The following SAMD9L variants were observed in gnomAD, a reference collection of about 807,000 sequenced individuals.
SAMD9L encodes the protein sterile alpha motif domain containing 9 like, also known as sterile alpha motif domain-containing protein 9-like.
A neutral mutation model predicts 90.7 loss-of-function variants in SAMD9L; 68 were observed. That is an observed-to-expected ratio of 0.75 (90% CI 0.62 to 0.92). The LOEUF (loss-of-function observed/expected upper bound fraction) is 0.92. Among genes scored for constraint, SAMD9L ranks in the 40% least tolerant of loss-of-function variants. The pLI, the probability that SAMD9L is intolerant of heterozygous loss-of-function variation, is 0.00. For synonymous variants in SAMD9L, 640 were observed against 630.1 expected (o/e 1.02, Z -0.23); for missense variants, 1,604 against 1,824.3 (o/e 0.88, Z 2.20).
chr7:93,138,972 A>ATAAC (rs148551478), intron 4 of SAMD9L, among the ~76,000 whole-genome samples: 2,097 of 152,364 alleles, frequency 0.014, 28 homozygotes, highest in East Asian at 0.08. Flanking sequence ...TACATATGAG[A>ATAAC]TAACTACCAT....
At chr7:93,136,851 T>G (rs552111917) in intron 4 of SAMD9L, among the ~76,000 whole-genome samples, 1 of 152,300 alleles carries the variant, frequency 6.6e-6, no homozygotes, top group South Asian at 2.1e-4. Context: ...GGTGGTGTTT[T>G]CAGGCATTAG....
chr7:93,136,743 T>C (rs111382243), intron 4 of SAMD9L, among the ~76,000 whole-genome samples: 7 of 152,222 alleles, frequency 4.6e-5, no homozygotes, highest in African/African-American at 1.7e-4. Flanking sequence ...GAGCTGCCTA[T>C]TTTGGACTCC....
rs770968553 is a variant in SAMD9L, at chr7:93,132,282, T to C, written c.3690A>G (p.Gln1230=). The C allele has an allele frequency of 1.2e-6, 2 of 1,613,748 alleles. No individual in the cohort carries two copies. Among genetic ancestry groups the C allele is most frequent in the South Asian group, 2.2e-5 (2 of 91,066 alleles). Residue 1230 remains glutamine, a synonymous_variant, in exon 5 of 5, where the codon CAA becomes CAG. Coordinates refer to ENST00000318238, the MANE Select transcript of SAMD9L (RefSeq NM_152703.5). ...ENELSKKHMV[Q]FLSGKWTIPP... is the part of the protein sequence containing the mutation. Reference sequence around the variant, plus strand: ...GAATGGTCCACTTTCCTGATAAAAATTGCACCATATGTTTTTTGGATAATT... The same window carrying C: ...GAATGGTCCACTTTCCTGATAAAAACTGCACCATATGTTTTTTGGATAATT...
In SAMD9L at chr7:93,131,043, C is replaced by T. The variant is rs971223055; in HGVS notation, c.*174G>A. 4 of 488,804 alleles carry T rather than the reference C, an allele frequency of 8.2e-6. No individual in the cohort carries two copies. Among genetic ancestry groups the T allele is most frequent in the South Asian group, 8.1e-5 (2 of 24,734 alleles). The allele number at this position is 488,804 out of a possible 1,614,324, so 30.3% of individuals were successfully genotyped here. On this transcript the variant is annotated 3_prime_UTR_variant, in exon 5 of 5. Transcript: ENST00000318238. Reference sequence around the variant, plus strand: ...TGACTCCACTTTGTGCCAAGCTCTGCGGGTAGGCATATTTCATATCTTAAA... The same window carrying T: ...TGACTCCACTTTGTGCCAAGCTCTGTGGGTAGGCATATTTCATATCTTAAA...
At position 93,134,672 on chromosome 7, in the gene SAMD9L, A is replaced by T. The variant is rs777723056; in HGVS notation, c.1300T>A (p.Phe434Ile). The stretch of plus-strand genomic sequence containing the variant: ...GCAAACCATTTAATTTCTTTTAAAA[A>T]ATCTAAGTGCTTTATTTGGTTTGGA... ...CHPNQIKHLD[F>I]LKEIKWFAVL... is the part of the protein sequence containing the mutation. The change falls in exon 5 of 5, where the codon TTT (phenylalanine) becomes ATT (isoleucine). Residue 434 changes from phenylalanine to isoleucine, a missense_variant. This residue lies in a region of SAMD9L where 606 missense variants were observed against 717.6 expected (regional missense o/e 0.84). Transcript: ENST00000318238. 1.9e-6 allele frequency: 3 copies of T among 1,613,894 alleles called. No homozygotes were observed. Among genetic ancestry groups the T allele is most frequent in the Non-Finnish European group, 2.5e-6 (3 of 1,179,880 alleles).
intron 4 of SAMD9L, 41 bp from the exon 5 acceptor site, chr7:93,136,032 T>A: frequency 7.6e-7 from 1 of 1,316,436 alleles, no homozygotes; most frequent in Non-Finnish European, 1.0e-6. Flanking sequence ...GAATTATACT[T>A]TATTTTTAAA....
chr7:93,143,667 T>A (rs577319428), intron 4 of SAMD9L, among the ~76,000 whole-genome samples: 1 of 152,338 alleles, frequency 6.6e-6, no homozygotes, highest in South Asian at 2.1e-4. Flanking sequence ...ATAAAAATAT[T>A]TCTCAGCCAG....
Position 93,145,491 on chromosome 7 carries a change from T to G in SAMD9L, c.-229A>C, listed in dbSNP as rs1442971428. 1 of 152,210 alleles carries G rather than the reference T, an allele frequency of 6.6e-6. No individual in the cohort carries two copies. Among genetic ancestry groups the G allele is most frequent in the African/African-American group, 2.4e-5 (1 of 41,450 alleles). 9.4% of individuals were successfully genotyped at this position (152,210 alleles called of 1,614,324 possible). The stretch of plus-strand genomic sequence containing the variant: ...GATTAGTTCCCCTTTCTTGATAATT[T>G]GCAAGAGTCACGTTCTGGAAAGCAG... On this transcript the variant is annotated 5_prime_UTR_variant, in exon 3 of 5. Coordinates refer to ENST00000318238, the MANE Select transcript of SAMD9L (RefSeq NM_152703.5).
intron 2 of SAMD9L, among the ~76,000 whole-genome samples, chr7:93,146,493 C>T (rs549563785): frequency 2.0e-5 from 3 of 152,284 alleles, no homozygotes; most frequent in South Asian, 2.1e-4. Flanking sequence ...CTATGCACTC[C>T]ATAAGGACAA....
In SAMD9L at chr7:93,130,594, A is replaced by G. The variant is rs1792042634; in HGVS notation, c.*623T>C. 1 of 151,520 alleles carries G rather than the reference A, an allele frequency of 6.6e-6. No homozygotes were observed. The highest frequency in any genetic ancestry group is 1.5e-5 in the Non-Finnish European group (1 of 68,010). The allele number at this position is 151,520 out of a possible 1,614,324, so 9.4% of individuals were successfully genotyped here. Reference sequence around the variant, plus strand: ...ATGGAGAGAGTTCAAGTTTATGATTACTTTATTTTTTGAACTCTTCTCTCT... The same window carrying G: ...ATGGAGAGAGTTCAAGTTTATGATTGCTTTATTTTTTGAACTCTTCTCTCT... On this transcript the variant is annotated 3_prime_UTR_variant, in exon 5 of 5. Transcript: ENST00000318238.
In SAMD9L at chr7:93,134,480, A is replaced by G; in HGVS notation, c.1492T>C (p.Cys498Arg). 1 of 1,614,010 alleles carries G rather than the reference A, an allele frequency of 6.2e-7. No homozygotes were observed. Among genetic ancestry groups the G allele is most frequent in the Non-Finnish European group, 8.5e-7 (1 of 1,179,912 alleles). The change falls in exon 5 of 5, where the codon TGC becomes CGC. Residue 498 changes from cysteine to arginine, a missense_variant. This residue lies in a region of SAMD9L where 606 missense variants were observed against 717.6 expected (regional missense o/e 0.84). Coordinates refer to ENST00000318238, the MANE Select transcript of SAMD9L (RefSeq NM_152703.5). ...NLYQQPSWIF[C>R]NGRSDLKSET... Reference sequence around the variant, plus strand: ...CTTTTCAGGTCTGATCTGCCGTTGCAGAAAATCCAGCTGGGCTGTTGGTAA... The same window carrying G: ...CTTTTCAGGTCTGATCTGCCGTTGCGGAAAATCCAGCTGGGCTGTTGGTAA...
intron 4 of SAMD9L, among the ~76,000 whole-genome samples, chr7:93,138,600 G>A (rs1445639138): frequency 2.6e-5 from 4 of 152,166 alleles, no homozygotes; most frequent in African/African-American, 7.2e-5. Flanking sequence ...AGGCAATTGA[G>A]GGAGAAAGCC....
intron 2 of SAMD9L, among the ~76,000 whole-genome samples, chr7:93,146,403 A>AT (rs1792892049): frequency 6.6e-6 from 1 of 152,110 alleles, no homozygotes; most frequent in Non-Finnish European, 1.5e-5. Flanking sequence ...TTCTGGCTTC[A>AT]TTTTTTATCT....
rs980450814 is a variant in SAMD9L, at chr7:93,135,273, G to T, written c.699C>A (p.Thr233=). 4.3e-6 allele frequency: 7 copies of T among 1,613,976 alleles called. No individual in the cohort carries two copies. Among genetic ancestry groups the T allele is most frequent in the Non-Finnish European group, 5.9e-6 (7 of 1,179,996 alleles). ...TGACTCCAAAATGGATGGTGCCATT[G>T]GTGCGTGAATTCATACAAGCTGATG... The part of the protein sequence containing the change: ...RFASACMNSR[T]NGTIHFGVKD... The change falls in exon 5 of 5, where the codon ACC becomes ACA. Residue 233 remains threonine, a synonymous_variant. Coordinates refer to ENST00000318238, the MANE Select transcript of SAMD9L (RefSeq NM_152703.5).
Position 93,131,373 on chromosome 7 carries a change from TAGCTTGCC to T in SAMD9L, c.4591_4598del (p.Gly1531AsnfsTer27), listed in dbSNP as rs1397803945. 6.2e-7 allele frequency: 1 copy of T among 1,613,598 alleles called. No homozygotes were observed. Among genetic ancestry groups the T allele is most frequent in the African/African-American group, 1.3e-5 (1 of 74,898 alleles). On this transcript the variant is annotated frameshift_variant, in exon 5 of 5. Coordinates refer to ENST00000318238, the MANE Select transcript of SAMD9L (RefSeq NM_152703.5). LOFTEE classifies it high-confidence loss of function. ...CCTCTGTTCCATATTCTACAGAGATTAGCTTGCCTTCAGCCTGACCAGTTAGACGACGC... is the reference window on the plus strand; with the variant it reads ...CCTCTGTTCCATATTCTACAGAGATTTTCAGCCTGACCAGTTAGACGACGC...
Position 93,132,756 on chromosome 7 carries a change from A to G in SAMD9L, c.3216T>C (p.Ser1072=), listed in dbSNP as rs771535927. Residue 1072 remains serine, a synonymous_variant, in exon 5 of 5, where the codon AGT becomes AGC. Transcript: ENST00000318238. Reference sequence around the variant, plus strand: ...TTTGTGGGAATCGTCTACTTCCTGCACTCAAGACCTTTTCAATGTCTTTAT... The same window carrying G: ...TTTGTGGGAATCGTCTACTTCCTGCGCTCAAGACCTTTTCAATGTCTTTAT... ...LQNKDIEKVL[S]AGSRRFPQNA... is the part of the protein sequence containing the mutation. 52 of 1,613,640 alleles carry G rather than the reference A, an allele frequency of 3.2e-5. 1 individual carries two copies. In the South Asian group the frequency reaches 5.6e-4, roughly 17 times the overall value.
At chr7:93,137,094 AC>A (rs747492807) in intron 4 of SAMD9L, among the ~76,000 whole-genome samples, 3 of 152,228 alleles carry the variant, frequency 2.0e-5, no homozygotes, top group Non-Finnish European at 2.9e-5. Flanking sequence ...GACAAAAAAA[AC>A]ATTAAGGATC....
At chr7:93,136,923 T>TG (rs1466076233) in intron 4 of SAMD9L, among the ~76,000 whole-genome samples, 1 of 152,184 alleles carries the variant, frequency 6.6e-6, no homozygotes, top group East Asian at 1.9e-4. Context: ...CAGTGGTTCT[T>TG]AAGGTGTGGT....
chr7:93,139,553 AC>A (rs1467638215), intron 4 of SAMD9L, among the ~76,000 whole-genome samples: 1 of 152,186 alleles, frequency 6.6e-6, no homozygotes, highest in East Asian at 1.9e-4. Flanking sequence ...GCCAAGAATC[AC>A]CAAAGATTGC....
Sources: allele counts gnomAD v4.1 joint callset (sites outside exome capture counted in the v4.1 genomes callset), GRCh38; gene constraint gnomAD v4.1.1; regional missense constraint gnomAD v4.1.1; transcripts MANE v1.5; gene names NCBI Gene and HGNC (gene_info 2026-07-23, HGNC 2026-07-21).